MCPH1: variants seen among roughly 807,000 people sequenced by gnomAD.
The protein encoded by MCPH1 is microcephalin.
Under a neutral mutation model 84.5 loss-of-function variants are expected in MCPH1, and 104 were observed. The ratio of observed to expected loss-of-function variants is 1.23; its 90% confidence interval spans 1.05 to 1.45. The LOEUF is 1.45. Ranked by LOEUF, MCPH1 falls within the 40% of genes most tolerant of loss-of-function variation. The pLI is 0.00. For synonymous variants in MCPH1, 514 were observed against 366.8 expected (o/e 1.40, Z -4.58); for missense variants, 1,498 against 1,005.7 (o/e 1.49, Z -6.62).
chr8:6,427,967 A>G (rs926129548), intron 3 of MCPH1, among the ~76,000 whole-genome samples: 2 of 151,732 alleles, frequency 1.3e-5, no homozygotes, highest in Admixed American at 6.6e-5. Context: ...TAATTTTTGC[A>G]TTTTTAGTAG....
At chr8:6,532,876 T>C (rs963999162) in intron 12 of MCPH1, among the ~76,000 whole-genome samples, 4 of 152,176 alleles carry the variant, frequency 2.6e-5, no homozygotes, top group African/African-American at 9.7e-5. Flanking sequence ...AGTCAGGAAA[T>C]GATAATTTGA....
At chr8:6,449,416 T>C (rs1427296713) in intron 8 of MCPH1, among the ~76,000 whole-genome samples, 1 of 152,102 alleles carries the variant, frequency 6.6e-6, no homozygotes, top group Non-Finnish European at 1.5e-5. Flanking sequence ...GGTGGATCAC[T>C]TGAGGTCAGG....
Position 6,599,223 on chromosome 8 carries a change from C to T in MCPH1, c.2215-22231C>T, listed in dbSNP as rs186851363. Reference sequence around the variant, plus strand: ...ATTACCTAAAAGGAATGCCTTCCTCCGCGGACCGGAAGGATATTTTTAAAG... The same window carrying T: ...ATTACCTAAAAGGAATGCCTTCCTCTGCGGACCGGAAGGATATTTTTAAAG... On this transcript the variant is annotated intron_variant, in intron 12 of 13. Transcript: ENST00000344683. Among the ~76,000 whole-genome samples, 10 of 152,274 alleles carry T rather than the reference C, an allele frequency of 6.6e-5. 1 individual carries two copies. The highest frequency in any genetic ancestry group is 5.2e-4 in the Admixed American group (8 of 15,304).
At chr8:6,639,708 A>G (rs1457414536) in intron 13 of MCPH1, among the ~76,000 whole-genome samples, 1 of 152,128 alleles carries the variant, frequency 6.6e-6, no homozygotes, top group East Asian at 1.9e-4. Flanking sequence ...AAATGTATAT[A>G]AACACAGATA....
At chr8:6,631,146 C>T (rs1167817826) in intron 13 of MCPH1, among the ~76,000 whole-genome samples, 1 of 152,206 alleles carries the variant, frequency 6.6e-6, no homozygotes, top group East Asian at 1.9e-4. Flanking sequence ...TTCCCAGTTC[C>T]CAGTTCCCTT....
chr8:6,610,398 T>C (rs903219850), intron 12 of MCPH1, among the ~76,000 whole-genome samples: 4 of 152,246 alleles, frequency 2.6e-5, no homozygotes, highest in Non-Finnish European at 4.4e-5. Flanking sequence ...AATATCCTTT[T>C]ATAACTTACC....
chr8:6,474,979 A>T (rs1808246668), intron 9 of MCPH1, among the ~76,000 whole-genome samples: 1 of 152,216 alleles, frequency 6.6e-6, no homozygotes. Context: ...TTACGTTTCT[A>T]TAGGAATACT....
chr8:6,611,557 A>T (rs1018259467), intron 12 of MCPH1, among the ~76,000 whole-genome samples: 1 of 152,230 alleles, frequency 6.6e-6, no homozygotes, highest in Non-Finnish European at 1.5e-5. Flanking sequence ...CTCAGGGGGC[A>T]TCACCTCCTG....
intron 12 of MCPH1, among the ~76,000 whole-genome samples, chr8:6,520,777 A>C (rs1817176104): frequency 6.6e-6 from 1 of 152,250 alleles, no homozygotes; most frequent in Admixed American, 6.5e-5. Flanking sequence ...TGGCAAGATA[A>C]GGGAACTAGC....
intron 11 of MCPH1, among the ~76,000 whole-genome samples, chr8:6,484,927 T>A (rs963997694): frequency 3.9e-5 from 6 of 152,258 alleles, no homozygotes; most frequent in South Asian, 2.1e-4. Context: ...GGAATTGTGC[T>A]GTGTTGTTAG....
chr8:6,635,514 G>A (rs1797482357), intron 13 of MCPH1: 1 of 152,146 alleles, frequency 6.6e-6, no homozygotes, highest in Non-Finnish European at 1.5e-5. Flanking sequence ...AGTCTTGCCT[G>A]AGCCCAGGAG....
chr8:6,450,274 A>G (rs2515572), intron 8 of MCPH1, among the ~76,000 whole-genome samples: 105,574 of 151,742 alleles, frequency 0.7, 39,941 homozygotes, highest in Non-Finnish European at 0.83. Flanking sequence ...TTGGCAAGCA[A>G]TTAGGAAGTG....
chr8:6,579,847 A>G (rs1827410215), intron 12 of MCPH1, among the ~76,000 whole-genome samples: 1 of 152,120 alleles, frequency 6.6e-6, no homozygotes, highest in South Asian at 2.1e-4. Flanking sequence ...TTATTGAATA[A>G]TATTAAGGGG....
chr8:6,519,886 G>A, intron 12 of MCPH1: 1 of 1,614,018 alleles, frequency 6.2e-7, no homozygotes, highest in Middle Eastern at 1.6e-4. Context: ...TGTAGAATTA[G>A]GGAATGTTAA....
chr8:6,497,013 A>G (rs1811316734), intron 11 of MCPH1, among the ~76,000 whole-genome samples: 1 of 152,228 alleles, frequency 6.6e-6, no homozygotes, highest in Non-Finnish European at 1.5e-5. Flanking sequence ...TACTTTGTGA[A>G]TAAATTTTGT....
intron 8 of MCPH1, among the ~76,000 whole-genome samples, chr8:6,451,662 G>A (rs765945313): frequency 4.6e-5 from 7 of 152,090 alleles, no homozygotes; most frequent in South Asian, 4.2e-4. Flanking sequence ...TGTAGAACCC[G>A]TATAACTTGC....
chr8:6,637,907 G>C (rs73184463), intron 13 of MCPH1, among the ~76,000 whole-genome samples: 2 of 152,116 alleles, frequency 1.3e-5, no homozygotes, highest in Non-Finnish European at 2.9e-5. Context: ...TCAGAGCCAG[G>C]TGCACTCGCT....
intron 12 of MCPH1, among the ~76,000 whole-genome samples, chr8:6,571,986 T>G (rs1448323005): frequency 6.6e-6 from 1 of 152,182 alleles, no homozygotes; most frequent in African/African-American, 2.4e-5. Context: ...CCTCCACTTT[T>G]TCTCTTAAAA....
At chr8:6,598,495 AC>A (rs940055699) in intron 12 of MCPH1, among the ~76,000 whole-genome samples, 7 of 152,142 alleles carry the variant, frequency 4.6e-5, no homozygotes, top group African/African-American at 1.7e-4. Context: ...TCCAGGCTCC[AC>A]CCGGCCCACC....
Sources: allele counts gnomAD v4.1 joint callset (sites outside exome capture counted in the v4.1 genomes callset), GRCh38; gene constraint gnomAD v4.1.1; transcripts MANE v1.5; gene names NCBI Gene and HGNC (gene_info 2026-07-23, HGNC 2026-07-21).